PCDH9: variants seen among roughly 807,000 people sequenced by gnomAD.
The protein encoded by PCDH9 is protocadherin-9.
In PCDH9, 24 loss-of-function variants were observed where a neutral mutation model predicts 70.6. The ratio of observed to expected loss-of-function variants is 0.34; its 90% confidence interval spans 0.25 to 0.48. The LOEUF (loss-of-function observed/expected upper bound fraction) is 0.48, where lower values mean the gene tolerates loss of function less well. Ranked by LOEUF, PCDH9 falls within the 20% of genes least tolerant of loss-of-function variation. PCDH9 has a pLI of 0.99. For missense variants in PCDH9, 1,281 were observed against 1,503.6 expected (o/e 0.85, Z 2.45); for synonymous variants, 562 against 558.5 (o/e 1.01, Z -0.09).
At chr13:67,061,915 G>C (rs1276208389) in intron 2 of PCDH9, among the ~76,000 whole-genome samples, 2 of 152,154 alleles carry the variant, frequency 1.3e-5, no homozygotes, top group Non-Finnish European at 2.9e-5. Context: ...TCCTGCCAAG[G>C]AGTGCCTGAA....
chr13:67,152,715 A>C (rs1392250357), intron 2 of PCDH9, among the ~76,000 whole-genome samples: 2 of 145,080 alleles, frequency 1.4e-5, no homozygotes, highest in East Asian at 3.9e-4. Context: ...AAAAAGAGTA[A>C]AGCCTCTTGA....
At chr13:66,997,900 AAG>A (rs1031500956) in intron 2 of PCDH9, among the ~76,000 whole-genome samples, 11 of 152,200 alleles carry the variant, frequency 7.2e-5, no homozygotes, top group Admixed American at 6.5e-5. Flanking sequence ...GATGAAAAGA[AAG>A]AAAAAATAAA....
At chr13:66,699,745 T>G (rs1308547875) in intron 3 of PCDH9, among the ~76,000 whole-genome samples, 1 of 152,164 alleles carries the variant, frequency 6.6e-6, no homozygotes, top group Non-Finnish European at 1.5e-5. Flanking sequence ...CAATAAATTA[T>G]GTAAGATACT....
At chr13:67,168,621 C>T (rs187991352) in intron 2 of PCDH9, among the ~76,000 whole-genome samples, 28 of 152,032 alleles carry the variant, frequency 1.8e-4, no homozygotes, top group African/African-American at 6.5e-4. Flanking sequence ...TTCCAAGCTA[C>T]TCAAGAGGCT....
rs541120320 is a variant in PCDH9, at chr13:66,446,288, A to C, written c.3341-141260T>G. ...GCCAAGCTTTCCAGTTCAGCACTTA[A>C]TCCTTATTTTAAAGGCAAAATCCAC... On this transcript the variant is annotated intron_variant, in intron 4 of 4. Coordinates refer to ENST00000377865, the MANE Select transcript of PCDH9 (RefSeq NM_203487.3). 7.2e-5 allele frequency among the ~76,000 whole-genome samples: 11 copies of C among 152,106 alleles called. 3 individuals are homozygous for C. Among genetic ancestry groups the C allele is most frequent in the African/African-American group, 2.6e-4 (11 of 41,528 alleles).
chr13:66,311,723 C>A (rs1226620840), intron 4 of PCDH9, among the ~76,000 whole-genome samples: 1 of 152,106 alleles, frequency 6.6e-6, no homozygotes, highest in Non-Finnish European at 1.5e-5. Flanking sequence ...CCACTTTATT[C>A]TATGCCCACT....
chr13:66,711,188 T>C (rs1470051629), intron 3 of PCDH9, among the ~76,000 whole-genome samples: 1 of 152,168 alleles, frequency 6.6e-6, no homozygotes, highest in Non-Finnish European at 1.5e-5. Context: ...TGCAACATTA[T>C]GCACTTGCTA....
chr13:66,727,529 T>C (rs960166520), intron 3 of PCDH9, among the ~76,000 whole-genome samples: 15 of 152,116 alleles, frequency 9.9e-5, no homozygotes, highest in Non-Finnish European at 1.9e-4. Flanking sequence ...CTACAAAATA[T>C]TGAATTTTAA....
At chr13:67,209,210 T>A (rs2089420131) in intron 2 of PCDH9, 1 of 152,146 alleles carries the variant, frequency 6.6e-6, no homozygotes, top group Admixed American at 6.5e-5. Flanking sequence ...ACTTCCGATG[T>A]CATTGGCGCA....
At chr13:66,554,969 A>G (rs1961663271) in intron 4 of PCDH9, among the ~76,000 whole-genome samples, 1 of 152,154 alleles carries the variant, frequency 6.6e-6, no homozygotes, top group Non-Finnish European at 1.5e-5. Flanking sequence ...TGGGAGTTCA[A>G]GACCAGCCTG....
intron 2 of PCDH9, among the ~76,000 whole-genome samples, chr13:67,091,722 A>T (rs1370318874): frequency 6.6e-6 from 1 of 152,188 alleles, no homozygotes; most frequent in East Asian, 1.9e-4. Flanking sequence ...GTATGTAAAA[A>T]TTAGCAGATT....
chr13:67,072,101 T>C (rs1445530722), intron 2 of PCDH9, among the ~76,000 whole-genome samples: 1 of 152,100 alleles, frequency 6.6e-6, no homozygotes, highest in Non-Finnish European at 1.5e-5. Context: ...CTGATCTCTC[T>C]GTAGGTATTA....
intron 3 of PCDH9, among the ~76,000 whole-genome samples, chr13:66,717,150 C>T (rs865873474): frequency 5.3e-5 from 8 of 151,730 alleles, no homozygotes; most frequent in Middle Eastern, 3.2e-3. Flanking sequence ...CACCATATGG[C>T]AACTTTAAAA....
chr13:67,165,122 T>C (rs2088074678), intron 2 of PCDH9, among the ~76,000 whole-genome samples: 1 of 152,116 alleles, frequency 6.6e-6, no homozygotes, highest in Admixed American at 6.5e-5. Context: ...TAAAATCACA[T>C]CTATTTCTAC....
chr13:67,166,210 C>G (rs953611129), intron 2 of PCDH9, among the ~76,000 whole-genome samples: 1 of 152,126 alleles, frequency 6.6e-6, no homozygotes, highest in African/African-American at 2.4e-5. Context: ...TCCTTTGATA[C>G]AATTATGAAC....
intron 2 of PCDH9, among the ~76,000 whole-genome samples, chr13:67,036,800 A>G (rs1026529919): frequency 2.6e-5 from 4 of 152,166 alleles, no homozygotes; most frequent in Non-Finnish European, 5.9e-5. Context: ...GCACCAGCAC[A>G]CTTTCAATAA....
At chr13:66,871,830 C>T (rs200559747) in intron 3 of PCDH9, among the ~76,000 whole-genome samples, 4 of 149,514 alleles carry the variant, frequency 2.7e-5, no homozygotes, top group East Asian at 2.0e-4. Flanking sequence ...TTCATTACCA[C>T]CCCCCCCTCA....
chr13:66,742,251 C>T (rs1202728055), intron 3 of PCDH9, among the ~76,000 whole-genome samples: 42 of 42,710 alleles, frequency 9.8e-4, no homozygotes, highest in Middle Eastern at 6.0e-3. Flanking sequence ...GAAAGGATTC[C>T]CTATTTAATA....
rs139732295 is a variant in PCDH9, at chr13:67,225,788, C to G, written c.2653G>C (p.Val885Leu). Residue 885 changes from valine to leucine, a missense_variant, in exon 2 of 5, where the codon GTT becomes CTT. By Grantham distance (32) the Val-to-Leu change is conservative. Coordinates refer to ENST00000377865, the MANE Select transcript of PCDH9 (RefSeq NM_203487.3). ...KSPKSSLLNF[V>L]TIEESKPDDA... ...TCGGGTTTGGACTCTTCGATAGTAA[C>G]AAAGTTCAAAAGAGAGCTTTTGGGA... 398 of 1,614,026 alleles carry G rather than the reference C, an allele frequency of 2.5e-4. No homozygotes were observed. The highest frequency in any genetic ancestry group is 2.6e-4 in the Non-Finnish European group (309 of 1,180,020).
Sources: gnomAD v4.1 joint callset for allele counts (sites outside exome capture counted in the v4.1 genomes callset) on GRCh38, gnomAD v4.1.1 for gene constraint, MANE v1.5 for transcripts, NCBI Gene and HGNC (gene_info 2026-07-23, HGNC 2026-07-21) for gene names.